SLAIN1: variants seen among roughly 807,000 people sequenced by gnomAD.
The protein encoded by SLAIN1 is SLAIN family member 1, also known as SLAIN motif-containing protein 1.
SLAIN1 carries 17 observed loss-of-function variants against 55.4 expected under a neutral mutation model. The ratio of observed to expected loss-of-function variants is 0.31; its 90% CI spans 0.21 to 0.46. The LOEUF is 0.46. SLAIN1 is among the 20% of genes least tolerant of loss of function. The pLI is 1.00. For synonymous variants in SLAIN1, 348 were observed against 337.4 expected, an observed-to-expected ratio of 1.03 and a Z score of -0.35; for missense variants, 682 against 785.1, an observed-to-expected ratio of 0.87 and a Z score of 1.57.
intron 2 of SLAIN1, among the ~76,000 whole-genome samples, chr13:77,738,540 T>A (rs1053507867): frequency 7.9e-5 from 12 of 152,064 alleles, no homozygotes; most frequent in Admixed American, 3.9e-4. Flanking sequence ...ATGCATTAAG[T>A]ATTTTTCCTA....
intron 2 of SLAIN1, chr13:77,743,270 G>C (rs1189924886): frequency 1.0e-6 from 1 of 983,562 alleles, no homozygotes; most frequent in Non-Finnish European, 1.4e-6. Flanking sequence ...AATCTTAAGA[G>C]TGGAGAGTTT....
At chr13:77,729,024 A>G (rs944347215) in intron 2 of SLAIN1, among the ~76,000 whole-genome samples, 2 of 152,224 alleles carry the variant, frequency 1.3e-5, no homozygotes, top group Non-Finnish European at 2.9e-5. Flanking sequence ...TGTGTGCTGA[A>G]AATGGAAAAT....
intron 5 of SLAIN1, among the ~76,000 whole-genome samples, chr13:77,756,553 A>G (rs1262310226): frequency 6.6e-6 from 1 of 152,108 alleles, no homozygotes; most frequent in African/African-American, 2.4e-5. Flanking sequence ...GTGTTTTGAT[A>G]TTGAATCCAG....
chr13:77,701,996 C>T (rs2091035896), intron 1 of SLAIN1, among the ~76,000 whole-genome samples: 1 of 144,618 alleles, frequency 6.9e-6, no homozygotes, highest in African/African-American at 2.6e-5. Flanking sequence ...CAATTCCCAC[C>T]TATGAGTGAG....
intron 4 of SLAIN1, among the ~76,000 whole-genome samples, chr13:77,751,990 A>C (rs866174397): frequency 3.3e-5 from 5 of 152,092 alleles, no homozygotes; most frequent in African/African-American, 9.6e-5. Flanking sequence ...GGCTTATTTC[A>C]CATGTGTTAT....
intron 1 of SLAIN1, among the ~76,000 whole-genome samples, chr13:77,703,472 A>G (rs2091050970): frequency 6.6e-6 from 1 of 152,144 alleles, no homozygotes; most frequent in Admixed American, 6.6e-5. Flanking sequence ...TTGAAAATGT[A>G]CAATGTTTTC....
chr13:77,705,659 T>TA (rs1555275457), intron 1 of SLAIN1, among the ~76,000 whole-genome samples: 55 of 151,444 alleles, frequency 3.6e-4, no homozygotes, highest in South Asian at 2.3e-3. Flanking sequence ...TTTTTTTTTT[T>TA]AAAAACCTTG....
intron 4 of SLAIN1, among the ~76,000 whole-genome samples, chr13:77,750,337 A>G (rs1287621256): frequency 6.6e-6 from 1 of 152,170 alleles, no homozygotes; most frequent in Non-Finnish European, 1.5e-5. Context: ...ATAGAAGCTC[A>G]ATTAATTTTC....
intron 2 of SLAIN1, among the ~76,000 whole-genome samples, chr13:77,736,577 A>G (rs780383581): frequency 8.5e-5 from 13 of 152,074 alleles, no homozygotes; most frequent in Non-Finnish European, 1.6e-4. Flanking sequence ...AAAAACATTT[A>G]TAGCCAAATC....
chr13:77,744,539 C>G (rs1250586750), intron 3 of SLAIN1, 107 bp downstream of exon 3: 1 of 1,553,618 alleles, frequency 6.4e-7, no homozygotes, highest in Non-Finnish European at 8.7e-7. Flanking sequence ...TAATTAGATT[C>G]TTTCTCTCAT....
chr13:77,720,084 G>A (rs932771262), intron 2 of SLAIN1, among the ~76,000 whole-genome samples: 1 of 151,914 alleles, frequency 6.6e-6, no homozygotes, highest in African/African-American at 2.4e-5. Flanking sequence ...ACATTTAGTT[G>A]GATGTATAAC....
At chr13:77,706,473 T>G (rs2091091512) in intron 1 of SLAIN1, among the ~76,000 whole-genome samples, 1 of 152,114 alleles carries the variant, frequency 6.6e-6, no homozygotes, top group Non-Finnish European at 1.5e-5. Context: ...CTCATTAAGG[T>G]CATACACATT....
intron 1 of SLAIN1, among the ~76,000 whole-genome samples, chr13:77,719,325 C>A (rs2091239166): frequency 6.6e-6 from 1 of 150,880 alleles, no homozygotes; most frequent in Non-Finnish European, 1.5e-5. Context: ...ATTGTTAGAC[C>A]TTTTTTTGGA....
At chr13:77,711,388 G>A (rs2091148963) in intron 1 of SLAIN1, among the ~76,000 whole-genome samples, 2 of 151,938 alleles carry the variant, frequency 1.3e-5, no homozygotes, top group Non-Finnish European at 2.9e-5. Context: ...AATGATAAAG[G>A]GGATATCACC....
intron 1 of SLAIN1, among the ~76,000 whole-genome samples, chr13:77,717,388 C>T (rs1316135511): frequency 6.6e-6 from 1 of 152,134 alleles, no homozygotes; most frequent in Non-Finnish European, 1.5e-5. Flanking sequence ...TTGTGAAGAA[C>T]TGATGTTTTC....
intron 3 of SLAIN1, among the ~76,000 whole-genome samples, chr13:77,746,162 C>G (rs1353909052): frequency 2.0e-5 from 3 of 152,092 alleles, no homozygotes; most frequent in African/African-American, 4.8e-5. Flanking sequence ...TCATAGCAAA[C>G]TATTCATAAT....
chr13:77,747,560 C>A (rs1312427279), intron 4 of SLAIN1, among the ~76,000 whole-genome samples: 1 of 152,166 alleles, frequency 6.6e-6, no homozygotes, highest in Non-Finnish European at 1.5e-5. Context: ...AGCCTTCAGT[C>A]TCTTACTGTC....
chr13:77,743,136 A>C, intron 2 of SLAIN1: 1 of 1,302,944 alleles, frequency 7.7e-7, no homozygotes, highest in African/African-American at 1.5e-5. Flanking sequence ...AAAACCTCAA[A>C]TAAAGCAATA....
intron 2 of SLAIN1, among the ~76,000 whole-genome samples, chr13:77,735,380 A>T (rs1018996471): frequency 3.9e-5 from 6 of 152,118 alleles, no homozygotes; most frequent in African/African-American, 1.2e-4. Context: ...CCTGTCAGCC[A>T]TCACTGCTGT....
Sources: gnomAD v4.1 joint callset for allele counts (sites outside exome capture counted in the v4.1 genomes callset) on GRCh38, gnomAD v4.1.1 for gene constraint, MANE v1.5 for transcripts, NCBI Gene and HGNC (gene_info 2026-07-23, HGNC 2026-07-21) for gene names.